Variants in DLGAP2 observed in about 807,000 individuals in gnomAD.
The protein encoded by DLGAP2 is disks large-associated protein 2.
A neutral mutation model predicts 100.3 loss-of-function variants in DLGAP2; 26 were observed. The ratio of observed to expected loss-of-function variants is 0.26; its 90% CI spans 0.19 to 0.36. The LOEUF (loss-of-function observed/expected upper bound fraction) is 0.36, where lower values mean the gene tolerates loss of function less well. Ranked by LOEUF, DLGAP2 falls within the 10% of genes least tolerant of loss-of-function variation. The pLI, the probability that DLGAP2 is intolerant of heterozygous loss-of-function variation, is 1.00. For synonymous variants in DLGAP2, 886 were observed against 630.1 expected (o/e 1.41, Z -6.08); for missense variants, 1,858 against 1,453.2 (o/e 1.28, Z -4.53).
In DLGAP2 at chr8:1,689,577, T is replaced by A. The variant is rs1585066743; in HGVS notation, c.2705-1958T>A. The stretch of plus-strand genomic sequence containing the variant: ...GGCTGGGCTAGTTAAACCGCAGCAC[T>A]TTCAGTTTTAGGGTGTGTCGTGTAG... On this transcript the variant is annotated intron_variant, in intron 12 of 14. Coordinates refer to ENST00000637795, the MANE Select transcript of DLGAP2 (RefSeq NM_001346810.2). Among the ~76,000 whole-genome samples the A allele has an allele frequency of 2.0e-5, 3 of 152,168 alleles. 1 individual carries two copies. In the East Asian group the frequency reaches 5.8e-4, roughly 29 times the overall value.
At chr8:918,583 C>T (rs1395092514) in intron 2 of DLGAP2, among the ~76,000 whole-genome samples, 5 of 152,210 alleles carry the variant, frequency 3.3e-5, no homozygotes, top group African/African-American at 7.2e-5. Flanking sequence ...TCACCGCAGT[C>T]TTCTGTGTTG....
In DLGAP2 at chr8:1,705,449, C is replaced by A. The variant is rs1563074383; in HGVS notation, c.*4043C>A. 1 of 152,298 alleles carries A rather than the reference C, an allele frequency of 6.6e-6. No homozygotes were observed. Among genetic ancestry groups the A allele is most frequent in the African/African-American group, 2.4e-5 (1 of 41,462 alleles). The allele number at this position is 152,298 out of a possible 1,614,324, so 9.4% of individuals were successfully genotyped here. On this transcript the variant is annotated 3_prime_UTR_variant, in exon 15 of 15. Coordinates refer to ENST00000637795, the MANE Select transcript of DLGAP2 (RefSeq NM_001346810.2). ...GTACCCCAGTCACCAGCAGGGCCAC[C>A]CTTGATGACAGGGCCCCCCACGAAC...
At chr8:1,505,269 GTGAA>G (rs1313362944) in intron 4 of DLGAP2, among the ~76,000 whole-genome samples, 1 of 152,192 alleles carries the variant, frequency 6.6e-6, no homozygotes, top group Non-Finnish European at 1.5e-5. Context: ...TGCTATTATA[GTGAA>G]TGAGTAACTA....
At chr8:1,142,482 T>C (rs1796538886) in intron 2 of DLGAP2, among the ~76,000 whole-genome samples, 1 of 152,226 alleles carries the variant, frequency 6.6e-6, no homozygotes, top group South Asian at 2.1e-4. Context: ...CTTCGATAGA[T>C]ATTTGTGAAT....
At chr8:1,082,729 T>G (rs553800069) in intron 2 of DLGAP2, among the ~76,000 whole-genome samples, 1 of 152,302 alleles carries the variant, frequency 6.6e-6, no homozygotes, top group South Asian at 2.1e-4. Flanking sequence ...CTTTTCTTTG[T>G]TAAAAATTTT....
intron 8 of DLGAP2, among the ~76,000 whole-genome samples, chr8:1,650,768 G>C (rs1798143283): frequency 6.7e-6 from 1 of 148,164 alleles, no homozygotes; most frequent in Non-Finnish European, 1.5e-5. Context: ...CAGAAGCTTG[G>C]GTGGCAGTTG....
intron 4 of DLGAP2, among the ~76,000 whole-genome samples, chr8:1,533,513 A>C (rs756049057): frequency 6.6e-6 from 1 of 152,134 alleles, no homozygotes; most frequent in African/African-American, 2.4e-5. Context: ...CTCCAAAAAA[A>C]AAAAGAATGT....
intron 2 of DLGAP2, among the ~76,000 whole-genome samples, chr8:976,057 A>C (rs1319993163): frequency 2.0e-5 from 3 of 152,242 alleles, no homozygotes; most frequent in African/African-American, 7.2e-5. Context: ...CAGCAATAAA[A>C]AATTGGAATT....
chr8:868,389 T>C (rs924853213), intron 1 of DLGAP2, among the ~76,000 whole-genome samples: 2 of 152,136 alleles, frequency 1.3e-5, no homozygotes, highest in African/African-American at 4.8e-5. Flanking sequence ...CAGAAGAGGT[T>C]TATCTACAGA....
At chr8:1,120,824 C>T (rs1273591653) in intron 2 of DLGAP2, among the ~76,000 whole-genome samples, 1 of 152,056 alleles carries the variant, frequency 6.6e-6, no homozygotes, top group African/African-American at 2.4e-5. Context: ...CATCCTCGTC[C>T]AGTTAGAACC....
At chr8:1,316,505 A>T (rs375573412) in intron 3 of DLGAP2, among the ~76,000 whole-genome samples, 1 of 125,038 alleles carries the variant, frequency 8.0e-6, no homozygotes, top group African/African-American at 2.9e-5. Flanking sequence ...TCTCTCCAAC[A>T]GTGGTCTACA....
intron 2 of DLGAP2, among the ~76,000 whole-genome samples, chr8:975,590 A>G (rs879287013): frequency 6.6e-6 from 1 of 152,206 alleles, no homozygotes; most frequent in Admixed American, 6.5e-5. Flanking sequence ...GGCTGGCTCA[A>G]CATCTGAAAA....
Position 1,184,933 on chromosome 8 carries a change from G to A in DLGAP2, c.74-73918G>A, listed in dbSNP as rs552268124. On this transcript the variant is annotated intron_variant, in intron 2 of 14. Coordinates refer to ENST00000637795, the MANE Select transcript of DLGAP2 (RefSeq NM_001346810.2). ...CACTTGCCCCAAATCATATAACCTG[G>A]TGCAGAAGAGGCAGATTTCAGACCC... is the stretch of plus-strand genomic sequence containing the variant. Among the ~76,000 whole-genome samples, 4 of 152,318 alleles carry A rather than the reference G, an allele frequency of 2.6e-5. No individual in the cohort carries two copies. In the East Asian group the frequency reaches 7.7e-4, roughly 29 times the overall value.
chr8:1,078,652 T>G (rs1424543609), intron 2 of DLGAP2, among the ~76,000 whole-genome samples: 2 of 152,124 alleles, frequency 1.3e-5, no homozygotes, highest in African/African-American at 4.8e-5. Context: ...GAGTTGGAAA[T>G]AGACAGTATG....
At chr8:996,854 G>A (rs1230121847) in intron 2 of DLGAP2, among the ~76,000 whole-genome samples, 1 of 152,124 alleles carries the variant, frequency 6.6e-6, no homozygotes, top group Non-Finnish European at 1.5e-5. Context: ...TTCTGAGAAA[G>A]CCCCCAAGAA....
At chr8:955,937 G>T (rs772418533) in intron 2 of DLGAP2, among the ~76,000 whole-genome samples, 3 of 152,062 alleles carry the variant, frequency 2.0e-5, no homozygotes, top group Non-Finnish European at 4.4e-5. Flanking sequence ...AGCCCAGACC[G>T]CCCAGATTGA....
At chr8:1,381,208 G>A (rs1466486636) in intron 3 of DLGAP2, 3 of 152,140 alleles carry the variant, frequency 2.0e-5, no homozygotes, top group Non-Finnish European at 4.4e-5. Context: ...GAAACAAGCA[G>A]AGACCGTGAA....
chr8:1,010,240 A>G (rs1002385266), intron 2 of DLGAP2, among the ~76,000 whole-genome samples: 4 of 151,998 alleles, frequency 2.6e-5, no homozygotes, highest in African/African-American at 9.7e-5. Context: ...ACATACACAC[A>G]TGTGCCCACA....
intron 2 of DLGAP2, among the ~76,000 whole-genome samples, chr8:1,077,418 C>T (rs73542007): frequency 0.031 from 4,664 of 152,168 alleles, 227 homozygotes; most frequent in African/African-American, 0.11. Flanking sequence ...AGCAGAGGGG[C>T]GGTGGTGATG....
Sources: allele counts gnomAD v4.1 joint callset (sites outside exome capture counted in the v4.1 genomes callset), GRCh38; gene constraint gnomAD v4.1.1; transcripts MANE v1.5; gene names NCBI Gene and HGNC (gene_info 2026-07-23, HGNC 2026-07-21).